The following POU2F3 variants were observed in gnomAD, a reference collection of about 807,000 sequenced individuals.
POU2F3 encodes POU domain, class 2, transcription factor 3.
Under a neutral mutation model 59.2 loss-of-function variants are expected in POU2F3, and 23 were observed. The ratio of observed to expected loss-of-function variants is 0.39; its 90% CI spans 0.28 to 0.55. The LOEUF is 0.55. Ranked by LOEUF, POU2F3 falls within the 20% of genes least tolerant of loss-of-function variation. The pLI is 0.66. For synonymous variants in POU2F3, 190 were observed against 214.6 expected (o/e 0.89, Z 1.00); for missense variants, 473 against 544.5 (o/e 0.87, Z 1.31).
At chr11:120,237,915 G>A (rs1383701405), upstream of POU2F3, among the ~76,000 whole-genome samples, 1 of 152,172 alleles carries the variant, frequency 6.6e-6, no homozygotes, top group Non-Finnish European at 1.5e-5. Flanking sequence ...CCTCCAATAA[G>A]CCCTTGCTGG....
chr11:120,310,269 G>A (rs1305822580), intron 10 of POU2F3, among the ~76,000 whole-genome samples: 1 of 152,178 alleles, frequency 6.6e-6, no homozygotes, highest in Non-Finnish European at 1.5e-5. Flanking sequence ...AGCATGATGT[G>A]CTCAGATATG....
chr11:120,303,168 G>T (rs1941395268), intron 6 of POU2F3: 1 of 152,038 alleles, frequency 6.6e-6, no homozygotes, highest in Admixed American at 6.6e-5. Context: ...TTCAGAGAGG[G>T]CTGAGGCCAC....
rs35186745 is a variant in POU2F3, at chr11:120,264,190, T to TACACACACACAC, written c.98-4988_98-4977dup. Among the ~76,000 whole-genome samples the TACACACACACAC allele has an allele frequency of 1.8e-3, 239 of 133,126 alleles. 1 individual carries two copies. Among genetic ancestry groups the TACACACACACAC allele is most frequent in the African/African-American group, 4.5e-3 (160 of 35,624 alleles). The allele number at this position is 133,126 out of a possible 152,430, so 87.3% of individuals were successfully genotyped here. ...GCCTAGGTAACATGATAAGACCTCA[T>TACACACACACAC]ACACACACACACACACACACACACA... On this transcript the variant is annotated intron_variant, in intron 2 of 12. Transcript: ENST00000543440.
In POU2F3 at chr11:120,307,489, G is replaced by A. The variant is rs377762447; in HGVS notation, c.780G>A (p.Pro260=). The A allele has an allele frequency of 1.6e-5, 26 of 1,613,956 alleles. No homozygotes were observed. Among genetic ancestry groups the A allele is most frequent in the African/African-American group, 2.7e-5 (2 of 74,900 alleles). Residue 260 remains proline, a synonymous_variant, in exon 9 of 13, where the codon CCG becomes CCA. Coordinates refer to ENST00000543440, the MANE Select transcript of POU2F3 (RefSeq NM_014352.4). ...TTCGTGTCCCTGCAGAGTCCTCTCCGTCAGACCCCTCAGTGAGCACGCCCA... is the reference window on the plus strand; with the variant it reads ...TTCGTGTCCCTGCAGAGTCCTCTCCATCAGACCCCTCAGTGAGCACGCCCA... ...EKWLNDAESS[P]SDPSVSTPSS...
At chr11:120,272,681 G>A (rs1408104196) in intron 3 of POU2F3, among the ~76,000 whole-genome samples, 1 of 152,164 alleles carries the variant, frequency 6.6e-6, no homozygotes, top group Non-Finnish European at 1.5e-5. Context: ...TTTCCACACT[G>A]AGCCTGTTAA....
chr11:120,244,968 A>G (rs888187625), intron 1 of POU2F3, among the ~76,000 whole-genome samples: 1 of 152,032 alleles, frequency 6.6e-6, no homozygotes, highest in Non-Finnish European at 1.5e-5. Flanking sequence ...GGGGTGGGGT[A>G]AGGTTGCAGG....
Position 120,308,074 on chromosome 11 carries a change from G to A in POU2F3, c.906+459G>A, listed in dbSNP as rs570955532. ...GCAGGGAAGTAGAAAGAAAAAAAAC[G>A]CCCATCGCCAAATGCCATCTGACCT... On this transcript the variant is annotated intron_variant, in intron 9 of 12. Coordinates refer to ENST00000543440, the MANE Select transcript of POU2F3 (RefSeq NM_014352.4). Among the ~76,000 whole-genome samples, 19 of 152,218 alleles carry A rather than the reference G, an allele frequency of 1.2e-4. No homozygotes were observed. The South Asian group carries it at 3.3e-3, about 27-fold the overall frequency.
chr11:120,236,928 T>A (rs1938519575), upstream of POU2F3, among the ~76,000 whole-genome samples: 1 of 152,206 alleles, frequency 6.6e-6, no homozygotes, highest in Non-Finnish European at 1.5e-5. Flanking sequence ...TTCTGTTTTC[T>A]GGGGTAAGTC....
At chr11:120,242,957 G>A (rs1487224357) in intron 1 of POU2F3, among the ~76,000 whole-genome samples, 1 of 152,124 alleles carries the variant, frequency 6.6e-6, no homozygotes, top group African/African-American at 2.4e-5. Flanking sequence ...CCAGCGGGCG[G>A]GGGCACACCT....
chr11:120,267,799 A>G (rs923469118), intron 2 of POU2F3, among the ~76,000 whole-genome samples: 1 of 56,874 alleles, frequency 1.8e-5, no homozygotes, highest in Non-Finnish European at 2.7e-5. Context: ...ATGCATATAT[A>G]TAGCATATTG....
rs73576297 is a variant in POU2F3, at chr11:120,262,606, G to A, written c.98-6604G>A. The stretch of plus-strand genomic sequence containing the variant: ...CTCATTTAATTCTCACAGCAATTTT[G>A]ATGGTAAAGTATCTTAAAATATGCA... On this transcript the variant is annotated intron_variant, in intron 2 of 12. Coordinates refer to ENST00000543440, the MANE Select transcript of POU2F3 (RefSeq NM_014352.4). 5.0e-3 allele frequency among the ~76,000 whole-genome samples: 760 copies of A among 152,326 alleles called. 7 individuals carry two copies. Among genetic ancestry groups the A allele is most frequent in the African/African-American group, 0.017 (715 of 41,574 alleles).
chr11:120,244,869 C>A (rs1057092679), intron 1 of POU2F3, among the ~76,000 whole-genome samples: 1 of 145,560 alleles, frequency 6.9e-6, no homozygotes, highest in Non-Finnish European at 1.5e-5. Flanking sequence ...TCATGCATGG[C>A]AAACTATAGA....
At chr11:120,308,231 G>A (rs997843194) in intron 9 of POU2F3, among the ~76,000 whole-genome samples, 7 of 152,164 alleles carry the variant, frequency 4.6e-5, no homozygotes, top group African/African-American at 1.7e-4. Context: ...CCCCGTGTGG[G>A]CTGGGGAAGA....
chr11:120,284,789 CG>C (rs1360432941), intron 3 of POU2F3, among the ~76,000 whole-genome samples: 1 of 151,632 alleles, frequency 6.6e-6, no homozygotes, highest in Non-Finnish European at 1.5e-5. Flanking sequence ...CCTTTAGCCC[CG>C]GGGTGAGTGT....
chr11:120,276,156 C>G (rs1420888777), intron 3 of POU2F3, among the ~76,000 whole-genome samples: 6 of 152,160 alleles, frequency 3.9e-5, no homozygotes, highest in Non-Finnish European at 8.8e-5. Context: ...CAGGAGCAGC[C>G]TCAGGACAGC....
At chr11:120,281,363 C>A (rs575248803) in intron 3 of POU2F3, among the ~76,000 whole-genome samples, 1 of 151,920 alleles carries the variant, frequency 6.6e-6, no homozygotes, top group South Asian at 2.1e-4. Context: ...GGTTGACTGG[C>A]CTGCAACTCA....
chr11:120,236,736 A>G, upstream of POU2F3: 9 of 1,450,428 alleles, frequency 6.2e-6, no homozygotes, highest in South Asian at 1.2e-5. Context: ...TTCCCATTCT[A>G]GCTCATCTAA....
Position 120,242,674 on chromosome 11 carries a change from G to A in POU2F3, c.28+2303G>A, listed in dbSNP as rs566545337. 4.6e-5 allele frequency among the ~76,000 whole-genome samples: 7 copies of A among 152,278 alleles called. No homozygotes were observed. The East Asian group carries it at 5.8e-4, about 13-fold the overall frequency. On this transcript the variant is annotated intron_variant, in intron 1 of 12. Coordinates refer to ENST00000543440, the MANE Select transcript of POU2F3 (RefSeq NM_014352.4). ...GTCGCCCACTCCAAGGGCTCCACTC[G>A]CACTGAGGCCAGCTGGAGTTAGCCC...
In POU2F3 at chr11:120,285,957, ACTGCAACCT is replaced by A. The variant is rs1192415034; in HGVS notation, c.133-12306_133-12298del. On this transcript the variant is annotated intron_variant, in intron 3 of 12. Transcript: ENST00000543440. This position sits in a 1 kb window ranked among gnomAD's most constrained non-coding sequence, Gnocchi z 4.3. ...GAGTGCAGTGGTGCTATCTCGGCTC[ACTGCAACCT>A]CCGCCCCCAGGGTTCAAACAATTCT... is the stretch of plus-strand genomic sequence containing the variant. Among the ~76,000 whole-genome samples, 1 of 152,014 alleles carries A rather than the reference ACTGCAACCT, an allele frequency of 6.6e-6. No homozygotes were observed.
Sources: gnomAD v4.1 joint callset for allele counts (sites outside exome capture counted in the v4.1 genomes callset) on GRCh38, gnomAD v4.1.1 for gene constraint, Gnocchi (gnomAD v3.1) non-coding constraint, MANE v1.5 for transcripts, NCBI Gene and HGNC (gene_info 2026-07-23, HGNC 2026-07-21) for gene names.